Variants in LATS1 observed in about 807,000 individuals in gnomAD.
LATS1 encodes serine/threonine-protein kinase LATS1.
In LATS1, 25 loss-of-function variants were observed where a neutral mutation model predicts 106.6. The observed-to-expected ratio is 0.23, with a 90% CI of 0.17 to 0.33. The LOEUF (loss-of-function observed/expected upper bound fraction) is 0.33, where lower values mean the gene tolerates loss of function less well. Among genes scored for constraint, LATS1 ranks in the 10% least tolerant of loss-of-function variants. LATS1 has a pLI of 1.00. For synonymous variants in LATS1, 465 were observed against 455.6 expected (o/e 1.02, Z -0.26); for missense variants, 1,040 against 1,382.6 (o/e 0.75, Z 3.93).
In LATS1 at chr6:149,684,529, G is replaced by A; in HGVS notation, c.560C>T (p.Pro187Leu). Reference sequence around the variant, plus strand: ...TCCTAGTGGCGGGCCATGCCTCTGAGGAACTAAGGATTCTTTAGAACCTTT... The same window carrying A: ...TCCTAGTGGCGGGCCATGCCTCTGAAGAACTAAGGATTCTTTAGAACCTTT... ...SWKGSKESLVPQRHGPPLGES... is the reference protein window; with the variant it reads ...SWKGSKESLVLQRHGPPLGES... Residue 187 changes from proline to leucine, a missense_variant, in exon 4 of 8, where the codon CCT (proline) becomes CTT (leucine). Pro to Leu is a moderately conservative substitution (Grantham distance 98). Transcript: ENST00000543571. 1.2e-6 allele frequency: 2 copies of A among 1,613,912 alleles called. No individual in the cohort carries two copies. Among genetic ancestry groups the A allele is most frequent in the Non-Finnish European group, 1.7e-6 (2 of 1,179,852 alleles).
At chr6:149,698,464 T>G (rs866375506) in intron 2 of LATS1, among the ~76,000 whole-genome samples, 4 of 152,220 alleles carry the variant, frequency 2.6e-5, no homozygotes, top group Middle Eastern at 3.4e-3. Flanking sequence ...CAGGCTGGAC[T>G]TGAACTCCTG....
chr6:149,683,358 AC>A lies in LATS1; in HGVS notation c.1730del (p.Ser577IlefsTer71). Reference protein sequence around the residue: ...NPSVPPYESISKPSKEDQPSL... With the variant: ...NPSVPPYESIXKPSKEDQPSL... ...TTGGCTGATCCTCTTTGCTAGGCTT[AC>A]TGATTGACTCGTATGGAGGAACAGA... On this transcript the variant is annotated frameshift_variant, in exon 4 of 8. Transcript: ENST00000543571. LOFTEE classifies it high-confidence loss of function. 1 of 1,614,146 alleles carries A rather than the reference AC, an allele frequency of 6.2e-7. No homozygotes were observed. Among genetic ancestry groups the A allele is most frequent in the Non-Finnish European group, 8.5e-7 (1 of 1,180,032 alleles).
intron 1 of LATS1, among the ~76,000 whole-genome samples, chr6:149,714,182 G>T (rs893685081): frequency 4.6e-5 from 7 of 152,080 alleles, no homozygotes; most frequent in Admixed American, 1.3e-4. Context: ...ACGTTGGCCA[G>T]GTTGGTCTTG....
chr6:149,713,302 T>C (rs1412043523), intron 1 of LATS1, among the ~76,000 whole-genome samples: 1 of 151,698 alleles, frequency 6.6e-6, no homozygotes, highest in Non-Finnish European at 1.5e-5. Flanking sequence ...TTATTTTCTT[T>C]TTTTTTTTTT....
intron 2 of LATS1, among the ~76,000 whole-genome samples, chr6:149,696,253 G>A (rs1783059351): frequency 6.7e-6 from 1 of 149,254 alleles, no homozygotes; most frequent in South Asian, 2.2e-4. Context: ...TTGTTAAAAA[G>A]GTAGCAATCA....
rs138653106 is a variant in LATS1, at chr6:149,701,086, C to T, written c.348+693G>A. On this transcript the variant is annotated intron_variant, in intron 2 of 7. Transcript: ENST00000543571. ...GCGTGAGCCACTGCACCCGGCCTGG[C>T]CTAACTTTTGATTATTCACATTTAC... 1.6e-3 allele frequency among the ~76,000 whole-genome samples: 248 copies of T among 152,278 alleles called. 1 individual carries two copies. The highest frequency in any genetic ancestry group is 5.6e-3 in the African/African-American group (234 of 41,570).
At chr6:149,704,096 C>A (rs1783615237) in intron 1 of LATS1, among the ~76,000 whole-genome samples, 1 of 152,276 alleles carries the variant, frequency 6.6e-6, no homozygotes, top group East Asian at 1.9e-4. Context: ...CTCTACCTCC[C>A]GGGTTCAAGT....
At chr6:149,687,937 C>T (rs555046667) in intron 3 of LATS1, among the ~76,000 whole-genome samples, 2 of 145,600 alleles carry the variant, frequency 1.4e-5, no homozygotes, top group East Asian at 2.0e-4. Context: ...TGCAGTGGTG[C>T]GATCTCGGCT....
At chr6:149,716,268 T>C (rs9383844) in intron 1 of LATS1, 61,089 of 151,976 alleles carry the variant, frequency 0.4, 13,173 homozygotes, top group East Asian at 0.81. Context: ...GGTGGGAGGA[T>C]TGCTCGAGTC....
Position 149,659,376 on chromosome 6 carries a change from C to T in LATS1, c.*2353G>A, listed in dbSNP as rs138323147. On this transcript the variant is annotated 3_prime_UTR_variant, in exon 8 of 8. Transcript: ENST00000543571. ...TTGGGAGGCTGAGGCGGGAGGACTG[C>T]GTGAGCCCCCAAGGTTGAGGATGCA... The T allele has an allele frequency of 5.4e-5, 11 of 202,504 alleles. No individual in the cohort carries two copies. The highest frequency in any genetic ancestry group is 3.2e-3 in the Middle Eastern group (2 of 616). The allele number at this position is 202,504 out of a possible 1,614,324, so 12.5% of individuals were successfully genotyped here.
intron 7 of LATS1, among the ~76,000 whole-genome samples, chr6:149,674,612 G>A (rs1781612074): frequency 1.3e-5 from 2 of 151,226 alleles, no homozygotes; most frequent in African/African-American, 4.8e-5. Flanking sequence ...GGGCTCAAGT[G>A]ATCTGTCTGC....
intron 6 of LATS1, 43 bp downstream of exon 6, chr6:149,676,512 G>A (rs1228377868): frequency 1.3e-6 from 2 of 1,581,050 alleles, no homozygotes; most frequent in Non-Finnish European, 1.7e-6. Context: ...GTTTTGGCTG[G>A]TCTAAAGGTC....
Position 149,680,410 on chromosome 6 carries a change from G to A in LATS1, c.2058C>T (p.Cys686=). 1.9e-6 allele frequency: 3 copies of A among 1,613,086 alleles called. No individual in the cohort carries two copies. Among genetic ancestry groups the A allele is most frequent in the Non-Finnish European group, 2.5e-6 (3 of 1,179,666 alleles). Residue 686 remains cysteine, a synonymous_variant, in exon 5 of 8, where the codon TGC becomes TGT. Coordinates refer to ENST00000543571, the MANE Select transcript of LATS1 (RefSeq NM_004690.4). ...GACGGATGTAATTAGATTCTTTTTG[G>A]CAAAGCATCTTTCTCATTTGATCCT... ...DAQDQMRKML[C]QKESNYIRLK... is the part of the protein sequence containing the mutation.
At chr6:149,669,129 G>GGATTGATT (rs887150277) in intron 7 of LATS1, among the ~76,000 whole-genome samples, 3 of 151,456 alleles carry the variant, frequency 2.0e-5, no homozygotes, top group East Asian at 3.9e-4. Context: ...GGCTGGATAA[G>GGATTGATT]GATTGATTGA....
chr6:149,690,007 T>C (rs1782633552), intron 3 of LATS1, among the ~76,000 whole-genome samples: 1 of 151,664 alleles, frequency 6.6e-6, no homozygotes, highest in African/African-American at 2.4e-5. Flanking sequence ...TCCACTCCCA[T>C]ATATAGAGCT....
chr6:149,684,601 A>G lies in LATS1; in HGVS notation c.497-9T>C. The G allele has an allele frequency of 1.3e-6, 2 of 1,525,436 alleles. No homozygotes were observed. The highest frequency in any genetic ancestry group is 1.4e-5 in the African/African-American group (1 of 72,056). 94.5% of individuals were successfully genotyped at this position (1,525,436 alleles called of 1,614,324 possible). On this transcript the variant is annotated splice_polypyrimidine_tract_variant and intron_variant, in intron 3 of 7. Transcript: ENST00000543571. Reference sequence around the variant, plus strand: ...TGATTGCTGCACATTCCCTATGGTTATAAGAGAGATAAAGAGAAAAAAGAA... The same window carrying G: ...TGATTGCTGCACATTCCCTATGGTTGTAAGAGAGATAAAGAGAAAAAAGAA...
At chr6:149,697,030 C>T in intron 2 of LATS1, 1 of 634,706 alleles carries the variant, frequency 1.6e-6, no homozygotes, top group Non-Finnish European at 2.6e-6. Flanking sequence ...AAACATAAAT[C>T]ACTCACTATC....
chr6:149,668,996 A>T (rs1304517542), intron 7 of LATS1, among the ~76,000 whole-genome samples: 2 of 151,560 alleles, frequency 1.3e-5, no homozygotes, highest in Admixed American at 6.6e-5. Flanking sequence ...AATTAAAAAA[A>T]TTTTTTTGTA....
intron 2 of LATS1, 150 bp from the exon 3 acceptor site, chr6:149,695,371 C>G (rs1783000229): frequency 5.3e-6 from 3 of 562,190 alleles, no homozygotes; most frequent in Non-Finnish European, 9.0e-6. Context: ...TTTGTAGCTA[C>G]TAAAAACCCC....
Sources: allele counts gnomAD v4.1 joint callset (sites outside exome capture counted in the v4.1 genomes callset), GRCh38; gene constraint gnomAD v4.1.1; transcripts MANE v1.5; gene names NCBI Gene and HGNC (gene_info 2026-07-23, HGNC 2026-07-21).